ZC2HC1B: variants seen among roughly 807,000 people sequenced by gnomAD.
The protein encoded by ZC2HC1B is zinc finger C2HC domain-containing protein 1B.
Under a neutral mutation model 31.0 loss-of-function variants are expected in ZC2HC1B, and 36 were observed. The observed-to-expected ratio is 1.16, with a 90% confidence interval of 0.89 to 1.54. The LOEUF (loss-of-function observed/expected upper bound fraction) is 1.54. Ranked by LOEUF, ZC2HC1B falls within the 40% of genes most tolerant of loss-of-function variation. The pLI is 0.00. For missense variants in ZC2HC1B, 260 were observed against 268.6 expected (o/e 0.97, Z 0.22); for synonymous variants, 73 against 88.0 (o/e 0.83, Z 0.95).
rs1777822857 is a variant in ZC2HC1B at position 143,908,504 on chromosome 6, C to A, written c.598+5352C>A. ...AGAGATTCTTCACTTTCCTTGTTAG[C>A]TGTATTCCTGGGCATTTTATTCTTT... is the stretch of plus-strand genomic sequence containing the variant. On this transcript the variant is annotated intron_variant, in intron 6 of 7. Coordinates refer to ENST00000237275, the MANE Select transcript of ZC2HC1B (RefSeq NM_001013623.3). The surrounding 1 kb of genome is among the most constrained non-coding windows in gnomAD (Gnocchi z 4.4). 6.6e-6 allele frequency among the ~76,000 whole-genome samples: 1 copy of A among 152,128 alleles called. No homozygotes were observed. The highest frequency in any genetic ancestry group is 1.5e-5 in the Non-Finnish European group (1 of 68,008).
At position 143,868,897 on chromosome 6, in the gene ZC2HC1B, A is replaced by G. The variant is rs1161076942; in HGVS notation, c.28+4330A>G. 3.9e-5 allele frequency among the ~76,000 whole-genome samples: 6 copies of G among 152,244 alleles called. No homozygotes were observed. The highest frequency in any genetic ancestry group is 8.8e-5 in the Non-Finnish European group (6 of 68,040). On this transcript the variant is annotated intron_variant, in intron 1 of 7. Coordinates refer to ENST00000237275, the MANE Select transcript of ZC2HC1B (RefSeq NM_001013623.3). The surrounding 1 kb of genome is among the most constrained non-coding windows in gnomAD (Gnocchi z 4.2). Reference sequence around the variant, plus strand: ...TATGTCACATGATGAAGGAAAAAGTAAATAAAATGAAGATATCTTCTTAGT... The same window carrying G: ...TATGTCACATGATGAAGGAAAAAGTGAATAAAATGAAGATATCTTCTTAGT...
intron 1 of ZC2HC1B, among the ~76,000 whole-genome samples, chr6:143,882,276 T>C (rs1487879463): frequency 6.8e-6 from 1 of 147,894 alleles, no homozygotes; most frequent in East Asian, 2.0e-4. Context: ...ATAATCAAGA[T>C]GAGTAGTTTC....
rs966004980 is a variant in ZC2HC1B at position 143,886,744 on chromosome 6, G to C, written c.272G>C (p.Arg91Pro). 21 of 1,549,262 alleles carry C rather than the reference G, an allele frequency of 1.4e-5. No individual in the cohort carries two copies. Among genetic ancestry groups the C allele is most frequent in the Non-Finnish European group, 1.4e-5 (16 of 1,145,866 alleles). ...QQHEDFINAI[R>P]SAKQCMLAIK... ...CATGAAGACTTTATTAATGCAATCCGATCAGCAAAGCAGTGTATGCTAGCC... is the reference window on the plus strand; with the variant it reads ...CATGAAGACTTTATTAATGCAATCCCATCAGCAAAGCAGTGTATGCTAGCC... The change falls in exon 4 of 8, where the codon CGA becomes CCA. Residue 91 changes from arginine (R) to proline (P), a missense_variant. Physicochemically the swap from Arg to Pro is moderately radical, Grantham distance 103 (BLOSUM62 -2). Transcript: ENST00000237275. This position sits in a 1 kb window ranked among gnomAD's most constrained non-coding sequence, Gnocchi z 4.2.
Position 143,872,131 on chromosome 6 carries a change from G to A in ZC2HC1B, c.28+7564G>A, listed in dbSNP as rs1452906765. On this transcript the variant is annotated intron_variant, in intron 1 of 7. Transcript: ENST00000237275. The surrounding 1 kb of genome is among the most constrained non-coding windows in gnomAD (Gnocchi z 5.5). ...TCTTCTTGGGGAAGGATGGGAGAAA[G>A]ATTAACAGCATAAATTGTCAGTAGT... 2.6e-5 allele frequency among the ~76,000 whole-genome samples: 4 copies of A among 152,166 alleles called. No homozygotes were observed. In the South Asian group the frequency reaches 8.3e-4, roughly 31 times the overall value.
At chr6:143,882,161 G>A (rs1238365175) in intron 1 of ZC2HC1B, among the ~76,000 whole-genome samples, 1 of 151,320 alleles carries the variant, frequency 6.6e-6, no homozygotes, top group African/African-American at 2.4e-5. Flanking sequence ...GTCACTGTAA[G>A]GATCACATGA....
chr6:143,864,781 T>G (rs76419816), intron 1 of ZC2HC1B, among the ~76,000 whole-genome samples: 2,191 of 152,330 alleles, frequency 0.014, 46 homozygotes, highest in African/African-American at 0.05. Context: ...GAAGAGCTTG[T>G]CATTGCAGAA....
At chr6:143,930,543 A>G (rs555001989) in intron 6 of ZC2HC1B, among the ~76,000 whole-genome samples, 22 of 151,458 alleles carry the variant, frequency 1.5e-4, no homozygotes, top group African/African-American at 5.1e-4. Context: ...GCCCGCCACC[A>G]CGCCCGGCTA....
At chr6:143,914,879 A>T (rs1777899410) in intron 6 of ZC2HC1B, among the ~76,000 whole-genome samples, 2 of 151,980 alleles carry the variant, frequency 1.3e-5, no homozygotes, top group Non-Finnish European at 2.9e-5. Flanking sequence ...TTTCAATTTC[A>T]ATCTATTTTT....
intron 6 of ZC2HC1B, among the ~76,000 whole-genome samples, chr6:143,906,182 A>AT (rs1777792852): frequency 6.6e-6 from 1 of 152,070 alleles, no homozygotes; most frequent in African/African-American, 2.4e-5. Flanking sequence ...ATGTCATGAG[A>AT]TTTTTTATTA....
At chr6:143,876,212 T>C (rs1047198068) in intron 1 of ZC2HC1B, among the ~76,000 whole-genome samples, 5 of 150,632 alleles carry the variant, frequency 3.3e-5, no homozygotes, top group Admixed American at 3.3e-4. Context: ...CTTCTGAAGC[T>C]GGGAGTTAAA....
chr6:143,914,828 T>G (rs1254273650), intron 6 of ZC2HC1B, among the ~76,000 whole-genome samples: 1 of 152,154 alleles, frequency 6.6e-6, no homozygotes, highest in Non-Finnish European at 1.5e-5. Flanking sequence ...TGGCCTCTGC[T>G]CTCTCTGGTT....
At position 143,911,794 on chromosome 6, in the gene ZC2HC1B, C is replaced by T. The variant is rs971021378; in HGVS notation, c.598+8642C>T. Among the ~76,000 whole-genome samples the T allele has an allele frequency of 3.3e-5, 5 of 152,194 alleles. No homozygotes were observed. The East Asian group carries it at 5.8e-4, about 18-fold the overall frequency. ...TATTTTACTGGGGTTCTCCACATTT[C>T]CTGAATTTGAATATTGGCCTGTCAT... On this transcript the variant is annotated intron_variant, in intron 6 of 7. Coordinates refer to ENST00000237275, the MANE Select transcript of ZC2HC1B (RefSeq NM_001013623.3). This position sits in a 1 kb window ranked among gnomAD's most constrained non-coding sequence, Gnocchi z 4.5.
chr6:143,896,021 A>G (rs1262771186), intron 4 of ZC2HC1B, among the ~76,000 whole-genome samples: 1 of 152,208 alleles, frequency 6.6e-6, no homozygotes, highest in Non-Finnish European at 1.5e-5. Context: ...AATTCTCAAA[A>G]TATGTGAAGT....
At position 143,883,187 on chromosome 6, in the gene ZC2HC1B, G is replaced by A. The variant is rs953748893; in HGVS notation, c.29-1117G>A. On this transcript the variant is annotated intron_variant, in intron 1 of 7. Coordinates refer to ENST00000237275, the MANE Select transcript of ZC2HC1B (RefSeq NM_001013623.3). This position sits in a 1 kb window ranked among gnomAD's most constrained non-coding sequence, Gnocchi z 4.1. ...CCTGAGTAGCTGGGACCACAGGCGC[G>A]AGCCACCAAGCCCAACTAATTTTTT... Among the ~76,000 whole-genome samples, 22 of 152,156 alleles carry A rather than the reference G, an allele frequency of 1.4e-4. No homozygotes were observed. The highest frequency in any genetic ancestry group is 4.3e-4 in the African/African-American group (18 of 41,524).
At chr6:143,919,445 C>T (rs948230990) in intron 6 of ZC2HC1B, among the ~76,000 whole-genome samples, 8 of 151,798 alleles carry the variant, frequency 5.3e-5, no homozygotes, top group African/African-American at 1.9e-4. Context: ...GGAGAAAAGA[C>T]AAAAATAAAA....
chr6:143,885,957 C>T lies in ZC2HC1B; in HGVS notation c.91-75C>T. On this transcript the variant is annotated intron_variant, in intron 2 of 7. Transcript: ENST00000237275. The surrounding 1 kb of genome is among the most constrained non-coding windows in gnomAD (Gnocchi z 4.2). ...GCAAACATAGTCCCTGGAGTGGGGG[C>T]TGTCTAGGTACACCTAGGCATTAAA... 7.2e-7 allele frequency: 1 copy of T among 1,393,082 alleles called. No individual in the cohort carries two copies. Among genetic ancestry groups the T allele is most frequent in the East Asian group, 2.7e-5 (1 of 36,934 alleles). The allele number at this position is 1,393,082 out of a possible 1,614,324, so 86.3% of individuals were successfully genotyped here. A position where few individuals can be genotyped will look rare whatever the true frequency, so the allele number is the denominator to read the frequency against.
intron 6 of ZC2HC1B, among the ~76,000 whole-genome samples, chr6:143,904,151 T>C (rs1233210224): frequency 6.6e-6 from 1 of 152,252 alleles, no homozygotes; most frequent in Admixed American, 6.5e-5. Context: ...TGAAAAAATG[T>C]CTGCTCAAGT....
At chr6:143,907,910 G>T (rs1777814988) in intron 6 of ZC2HC1B, among the ~76,000 whole-genome samples, 1 of 152,112 alleles carries the variant, frequency 6.6e-6, no homozygotes, top group African/African-American at 2.4e-5. Flanking sequence ...CTAGTTTTTG[G>T]GCTTTACATT....
chr6:143,929,402 G>A (rs561347532), intron 6 of ZC2HC1B, among the ~76,000 whole-genome samples: 1 of 152,098 alleles, frequency 6.6e-6, no homozygotes, highest in Non-Finnish European at 1.5e-5. Flanking sequence ...TGCATATGTT[G>A]TACCAACCTT....
Sources: allele counts gnomAD v4.1 joint callset (sites outside exome capture counted in the v4.1 genomes callset), GRCh38; gene constraint gnomAD v4.1.1; non-coding constraint Gnocchi (gnomAD v3.1); transcripts MANE v1.5; gene names NCBI Gene and HGNC (gene_info 2026-07-23, HGNC 2026-07-21).